SEMA5A: variants seen among roughly 807,000 people sequenced by gnomAD.
The protein encoded by SEMA5A is semaphorin-5A.
In SEMA5A, 55 loss-of-function variants were observed where a neutral mutation model predicts 135.5. The observed-to-expected ratio is 0.41, with a 90% CI of 0.33 to 0.51. The LOEUF (loss-of-function observed/expected upper bound fraction) is 0.51, where lower values mean the gene tolerates loss of function less well. Among genes scored for constraint, SEMA5A ranks in the 20% least tolerant of loss-of-function variants. The pLI is 0.37. For synonymous variants in SEMA5A, 580 were observed against 546.5 expected, an observed-to-expected ratio of 1.06 and a Z score of -0.85; for missense variants, 1,290 against 1,419.9, an observed-to-expected ratio of 0.91 and a Z score of 1.47.
At chr5:9,116,722 A>T (rs917584244) in intron 15 of SEMA5A, among the ~76,000 whole-genome samples, 4 of 152,210 alleles carry the variant, frequency 2.6e-5, no homozygotes, top group Non-Finnish European at 5.9e-5. Flanking sequence ...TGTATCAATT[A>T]TTTTGTATGC....
chr5:9,168,703 T>C (rs1335112725), intron 11 of SEMA5A, among the ~76,000 whole-genome samples: 1 of 152,218 alleles, frequency 6.6e-6, no homozygotes, highest in Non-Finnish European at 1.5e-5. Context: ...AATAGTGTGA[T>C]TCTTGCTTGA....
intron 16 of SEMA5A, among the ~76,000 whole-genome samples, chr5:9,097,187 C>T (rs572819587): frequency 4.6e-5 from 7 of 152,286 alleles, no homozygotes; most frequent in African/African-American, 1.7e-4. Flanking sequence ...TTAAGCCTCA[C>T]AAGTAGTAAT....
intron 3 of SEMA5A, among the ~76,000 whole-genome samples, chr5:9,366,098 C>T (rs1233290209): frequency 1.3e-5 from 2 of 152,106 alleles, no homozygotes; most frequent in African/African-American, 2.4e-5. Flanking sequence ...AGTGAGCTTT[C>T]GGGGTAAGGG....
chr5:9,374,175 T>C (rs1041153674), intron 3 of SEMA5A, among the ~76,000 whole-genome samples: 1 of 152,126 alleles, frequency 6.6e-6, no homozygotes, highest in African/African-American at 2.4e-5. Flanking sequence ...CAAGTAACCT[T>C]GCAAACATAG....
chr5:9,361,148 A>C (rs1044754150), intron 3 of SEMA5A, among the ~76,000 whole-genome samples: 2 of 151,920 alleles, frequency 1.3e-5, no homozygotes, highest in African/African-American at 4.8e-5. Flanking sequence ...AAAATACGAA[A>C]ATTAGCCGGG....
At chr5:9,355,473 A>G (rs1754399219) in intron 3 of SEMA5A, among the ~76,000 whole-genome samples, 1 of 152,128 alleles carries the variant, frequency 6.6e-6, no homozygotes, top group South Asian at 2.1e-4. Context: ...AACGTGAGAA[A>G]CTGAGGATAA....
At chr5:9,252,277 C>T (rs540176434) in intron 5 of SEMA5A, among the ~76,000 whole-genome samples, 1 of 152,276 alleles carries the variant, frequency 6.6e-6, no homozygotes, top group African/African-American at 2.4e-5. Context: ...GATTTCAGTG[C>T]TGATTTCACA....
intron 5 of SEMA5A, among the ~76,000 whole-genome samples, chr5:9,292,279 G>T (rs947304310): frequency 1.3e-5 from 2 of 152,184 alleles, no homozygotes; most frequent in South Asian, 2.1e-4. Context: ...TTTCAAACAC[G>T]GTAGTTACCA....
chr5:9,196,657 C>A (rs962806159), intron 10 of SEMA5A, among the ~76,000 whole-genome samples: 8 of 152,168 alleles, frequency 5.3e-5, no homozygotes, highest in African/African-American at 1.4e-4. Flanking sequence ...GAACCTCCTG[C>A]AGTTTTGTGA....
At chr5:9,071,569 C>T (rs1024756320) in intron 16 of SEMA5A, among the ~76,000 whole-genome samples, 1 of 152,102 alleles carries the variant, frequency 6.6e-6, no homozygotes, top group Non-Finnish European at 1.5e-5. Context: ...ATTTGGGGAA[C>T]AGATTTAGAT....
At position 9,092,996 on chromosome 5, in the gene SEMA5A, T is replaced by A. The variant is rs539736363; in HGVS notation, c.2073+15144A>T. Among the ~76,000 whole-genome samples, 5 of 152,322 alleles carry A rather than the reference T, an allele frequency of 3.3e-5. No individual in the cohort carries two copies. The South Asian group carries it at 1.0e-3, about 32-fold the overall frequency. On this transcript the variant is annotated intron_variant, in intron 16 of 22. Transcript: ENST00000382496. The stretch of plus-strand genomic sequence containing the variant: ...AGTATTAGTAAGCTTTGAAACAAAT[T>A]AGTTCATCTAATAGTGTAGTGGAAA...
chr5:9,278,531 T>C (rs375172792), intron 5 of SEMA5A, among the ~76,000 whole-genome samples: 1 of 152,204 alleles, frequency 6.6e-6, no homozygotes, highest in East Asian at 1.9e-4. Context: ...TAAATGTTAA[T>C]CACCAAGGCA....
At chr5:9,537,078 G>C (rs1737808722) in intron 1 of SEMA5A, among the ~76,000 whole-genome samples, 1 of 152,056 alleles carries the variant, frequency 6.6e-6, no homozygotes, top group Non-Finnish European at 1.5e-5. Context: ...AAAATGGTTA[G>C]AAAAAGTAGA....
At chr5:9,229,757 CCA>C (rs981112548) in intron 6 of SEMA5A, among the ~76,000 whole-genome samples, 3 of 151,348 alleles carry the variant, frequency 2.0e-5, no homozygotes, top group African/African-American at 7.3e-5. Flanking sequence ...AGAGCTTGCC[CCA>C]AGGTAAACCA....
chr5:9,061,418 G>A (rs1433663246), intron 18 of SEMA5A, among the ~76,000 whole-genome samples: 1 of 151,966 alleles, frequency 6.6e-6, no homozygotes, highest in Non-Finnish European at 1.5e-5. Context: ...AGTGAGACCA[G>A]GCCAGGAGTC....
At chr5:9,126,884 T>C (rs1741144578) in intron 13 of SEMA5A, among the ~76,000 whole-genome samples, 1 of 152,200 alleles carries the variant, frequency 6.6e-6, no homozygotes, top group Non-Finnish European at 1.5e-5. Context: ...AGAGAAGTTA[T>C]AAATCTTGTG....
chr5:9,297,939 T>A (rs994350124), intron 5 of SEMA5A, among the ~76,000 whole-genome samples: 2 of 152,054 alleles, frequency 1.3e-5, no homozygotes, highest in Admixed American at 6.5e-5. Flanking sequence ...ACAGCCTATA[T>A]AAACTAAAAC....
chr5:9,259,434 C>T (rs533803480), intron 5 of SEMA5A, among the ~76,000 whole-genome samples: 96 of 151,624 alleles, frequency 6.3e-4, no homozygotes, highest in Non-Finnish European at 9.1e-4. Context: ...GTTATAATTT[C>T]TGTTCTTTTA....
chr5:9,381,971 TGTGTGTGTGTGCGCGC>T (rs994851028), intron 2 of SEMA5A, among the ~76,000 whole-genome samples: 6 of 128,830 alleles, frequency 4.7e-5, no homozygotes, highest in South Asian at 2.4e-4. Context: ...TGTGTGTGTG[TGTGTGTGTGTGCGCGC>T]GCGCGCACAT....
Sources: allele counts gnomAD v4.1 joint callset (sites outside exome capture counted in the v4.1 genomes callset), GRCh38; gene constraint gnomAD v4.1.1; transcripts MANE v1.5; gene names NCBI Gene and HGNC (gene_info 2026-07-23, HGNC 2026-07-21).